NRXN3: variants seen among roughly 807,000 people sequenced by gnomAD.
NRXN3 encodes the protein neurexin 3.
A neutral mutation model predicts 137.6 loss-of-function variants in NRXN3; 32 were observed. That is an observed-to-expected ratio of 0.23 (90% CI 0.18 to 0.31). The LOEUF is 0.31. NRXN3 is among the 10% of genes least tolerant of loss of function. The pLI, the probability that NRXN3 is intolerant of heterozygous loss-of-function variation, is 1.00. For missense variants in NRXN3, 1,574 were observed against 2,062.5 expected (o/e 0.76, Z 4.59); for synonymous variants, 798 against 784.5 (o/e 1.02, Z -0.29).
At chr14:78,551,878 G>T (rs2096694590) in intron 4 of NRXN3, among the ~76,000 whole-genome samples, 1 of 151,748 alleles carries the variant, frequency 6.6e-6, no homozygotes, top group Non-Finnish European at 1.5e-5. Context: ...AAGTCTTTCT[G>T]TAAGAAAAAA....
intron 20 of NRXN3, among the ~76,000 whole-genome samples, chr14:79,858,037 A>C (rs982974925): frequency 6.6e-5 from 10 of 152,200 alleles, no homozygotes; most frequent in Non-Finnish European, 1.5e-4. Context: ...GTTTTAAAAT[A>C]AGCTCTTATC....
intron 4 of NRXN3, among the ~76,000 whole-genome samples, chr14:78,370,264 T>C (rs1029206546): frequency 6.0e-5 from 9 of 151,086 alleles, no homozygotes; most frequent in Non-Finnish European, 1.0e-4. Context: ...ATCCACCCAA[T>C]GTTGCCCATG....
intron 20 of NRXN3, among the ~76,000 whole-genome samples, chr14:79,859,111 A>C (rs2099409147): frequency 6.6e-6 from 1 of 152,150 alleles, no homozygotes; most frequent in Non-Finnish European, 1.5e-5. Flanking sequence ...TTAGGTTTAG[A>C]GCACATACTA....
chr14:78,950,851 A>G (rs1236244507), intron 10 of NRXN3, among the ~76,000 whole-genome samples: 2 of 152,088 alleles, frequency 1.3e-5, no homozygotes, highest in African/African-American at 4.8e-5. Context: ...ATCAAGTGTG[A>G]CTCATAGGAG....
intron 4 of NRXN3, among the ~76,000 whole-genome samples, chr14:78,407,101 C>T (rs529266932): frequency 4.7e-4 from 72 of 152,296 alleles, no homozygotes; most frequent in African/African-American, 1.7e-3. Context: ...CCTACCAACT[C>T]ATGCCTAGGT....
chr14:79,408,919 TG>T (rs2095363068), intron 15 of NRXN3, among the ~76,000 whole-genome samples: 1 of 152,140 alleles, frequency 6.6e-6, no homozygotes, highest in Admixed American at 6.6e-5. Context: ...TAAATTCATG[TG>T]TTTTTTTTCT....
intron 1 of NRXN3, among the ~76,000 whole-genome samples, chr14:78,180,750 A>G (rs931931678): frequency 1.3e-5 from 2 of 152,226 alleles, no homozygotes; most frequent in Non-Finnish European, 2.9e-5. Flanking sequence ...CATAAATCCC[A>G]GGGTCTTGCA....
At chr14:78,878,984 TTAACA>T in intron 10 of NRXN3, among the ~76,000 whole-genome samples, 1 of 152,302 alleles carries the variant, frequency 6.6e-6, no homozygotes, top group African/African-American at 2.4e-5. Context: ...CTTATTTTAC[TTAACA>T]TAATATCCTC....
chr14:78,321,178 T>C (rs147009138), intron 4 of NRXN3, among the ~76,000 whole-genome samples: 3,625 of 152,084 alleles, frequency 0.024, 206 homozygotes, highest in African/African-American at 0.083. Context: ...CTGCTGGGAT[T>C]GCTGGGATTC....
At chr14:78,616,349 C>G (rs2097347313) in intron 4 of NRXN3, among the ~76,000 whole-genome samples, 1 of 152,194 alleles carries the variant, frequency 6.6e-6, no homozygotes, top group African/African-American at 2.4e-5. Flanking sequence ...AAGCTCTTTT[C>G]TGCTCTCCCT....
chr14:79,169,863 C>A (rs918657831), intron 15 of NRXN3, among the ~76,000 whole-genome samples: 1 of 152,028 alleles, frequency 6.6e-6, no homozygotes, highest in Admixed American at 6.6e-5. Flanking sequence ...TAGGGCACAC[C>A]AAACCATTGC....
chr14:78,200,366 G>A (rs943884127), intron 1 of NRXN3, among the ~76,000 whole-genome samples: 20 of 152,212 alleles, frequency 1.3e-4, no homozygotes, highest in African/African-American at 4.8e-4. Flanking sequence ...GGGGGATGGG[G>A]TTCATGGAAA....
chr14:78,811,110 G>A (rs113486053), intron 10 of NRXN3, among the ~76,000 whole-genome samples: 4,156 of 152,176 alleles, frequency 0.027, 105 homozygotes, highest in South Asian at 0.099. Flanking sequence ...GATGATGAAA[G>A]GAACAAAGGA....
intron 12 of NRXN3, 69 bp from the exon 13 acceptor site, chr14:78,967,139 A>G (rs1235759534): frequency 1.1e-4 from 147 of 1,347,822 alleles, no homozygotes; most frequent in Admixed American, 2.2e-5. Context: ...TATGTCAGTT[A>G]CACACATATA....
At chr14:79,378,696 A>G (rs76468280) in intron 15 of NRXN3, among the ~76,000 whole-genome samples, 2,388 of 152,208 alleles carry the variant, frequency 0.016, 59 homozygotes, top group African/African-American at 0.054. Context: ...CAAGTACCTC[A>G]CAAAGGTAAT....
chr14:79,677,853 C>A (rs750938746), intron 17 of NRXN3, among the ~76,000 whole-genome samples: 1 of 152,202 alleles, frequency 6.6e-6, no homozygotes, highest in African/African-American at 2.4e-5. Flanking sequence ...GTATGTAATT[C>A]TTCTAAGAGA....
intron 10 of NRXN3, among the ~76,000 whole-genome samples, chr14:78,945,098 T>G (rs2099362638): frequency 1.3e-5 from 2 of 152,166 alleles, no homozygotes; most frequent in African/African-American, 4.8e-5. Context: ...CCTATAGGTA[T>G]CACAAACAGA....
chr14:78,301,760 A>G (rs138133387), intron 4 of NRXN3, among the ~76,000 whole-genome samples: 27 of 151,858 alleles, frequency 1.8e-4, no homozygotes, highest in African/African-American at 6.3e-4. Flanking sequence ...CACGTCTGTG[A>G]GATGGCTATC....
intron 15 of NRXN3, among the ~76,000 whole-genome samples, chr14:79,147,387 G>A (rs978872662): frequency 2.6e-5 from 4 of 152,140 alleles, no homozygotes; most frequent in African/African-American, 9.7e-5. Flanking sequence ...TGCATGTCAT[G>A]TTTCGCAAGG....
Sources: gnomAD v4.1 joint callset for allele counts (sites outside exome capture counted in the v4.1 genomes callset) on GRCh38, gnomAD v4.1.1 for gene constraint, MANE v1.5 for transcripts, NCBI Gene and HGNC (gene_info 2026-07-23, HGNC 2026-07-21) for gene names.